COLGALT2: variants seen among roughly 807,000 people sequenced by gnomAD.
COLGALT2 encodes procollagen galactosyltransferase 2.
In COLGALT2, 49 loss-of-function variants were observed where a neutral mutation model predicts 73.4. The observed-to-expected ratio is 0.67, with a 90% CI of 0.53 to 0.85. The LOEUF is 0.85. Ranked by LOEUF, COLGALT2 falls within the 40% of genes least tolerant of loss-of-function variation. The pLI is 0.00. For synonymous variants in COLGALT2, 295 were observed against 307.6 expected (o/e 0.96, Z 0.43); for missense variants, 722 against 790.2 (o/e 0.91, Z 1.03).
At chr1:183,933,408 C>G (rs1007441555), downstream of COLGALT2, among the ~76,000 whole-genome samples, 1 of 152,228 alleles carries the variant, frequency 6.6e-6, no homozygotes, top group Admixed American at 6.5e-5. Context: ...CAACTCTGCT[C>G]ATGGTTTCCT....
intron 11 of COLGALT2, 31 bp from the exon 12 acceptor site, chr1:183,939,068 G>C (rs760248187): frequency 1.3e-6 from 2 of 1,574,358 alleles, no homozygotes; most frequent in South Asian, 2.2e-5. Context: ...GGACACATGA[G>C]GGGGCGGAAA....
chr1:184,001,259 T>TA lies in COLGALT2; in HGVS notation c.264-22740dup, dbSNP rs869124740. On this transcript the variant is annotated intron_variant, in intron 1 of 11. Coordinates refer to ENST00000361927, the MANE Select transcript of COLGALT2 (RefSeq NM_015101.4). The stretch of plus-strand genomic sequence containing the variant: ...CTGTTTTAAAGGTCTTCTACTTTTT[T>TA]AAAAAAAATAAAATAAATATTTTTC... Among the ~76,000 whole-genome samples the TA allele has an allele frequency of 9.2e-5, 14 of 152,086 alleles. No homozygotes were observed. The East Asian group carries it at 2.5e-3, about 27-fold the overall frequency.
chr1:183,936,244 G>A lies in COLGALT2; in HGVS notation c.*2517C>T. The A allele has an allele frequency of 1.0e-6, 1 of 985,606 alleles. No individual in the cohort carries two copies. The highest frequency in any genetic ancestry group is 1.2e-6 in the Non-Finnish European group (1 of 829,946). The allele number at this position is 985,606 out of a possible 1,614,324, so 61.1% of individuals were successfully genotyped here. On this transcript the variant is annotated 3_prime_UTR_variant, in exon 12 of 12. Coordinates refer to ENST00000361927, the MANE Select transcript of COLGALT2 (RefSeq NM_015101.4). ...TCAAAGGTCAAATGTCTTGGCTTAGGACTATAAGGGAGAGATAGGACAAAT... is the reference window on the plus strand; with the variant it reads ...TCAAAGGTCAAATGTCTTGGCTTAGAACTATAAGGGAGAGATAGGACAAAT...
chr1:183,957,354 A>T (rs1558314080), intron 6 of COLGALT2, among the ~76,000 whole-genome samples: 1 of 152,134 alleles, frequency 6.6e-6, no homozygotes, highest in Non-Finnish European at 1.5e-5. Context: ...CTTAATTCCC[A>T]TTCCACATCA....
chr1:183,965,037 A>C (rs186449786), intron 5 of COLGALT2, among the ~76,000 whole-genome samples: 1 of 152,356 alleles, frequency 6.6e-6, no homozygotes, highest in Non-Finnish European at 1.5e-5. Context: ...AAGCTGTCTC[A>C]TGGCATTAAC....
intron 1 of COLGALT2, among the ~76,000 whole-genome samples, chr1:183,982,830 C>A (rs758161034): frequency 6.6e-6 from 1 of 152,206 alleles, no homozygotes; most frequent in Non-Finnish European, 1.5e-5. Context: ...GTAATTTATA[C>A]AGCATCTACT....
chr1:183,948,386 G>T (rs1268661048), intron 8 of COLGALT2, among the ~76,000 whole-genome samples: 2 of 152,068 alleles, frequency 1.3e-5, no homozygotes, highest in African/African-American at 4.8e-5. Context: ...TGACCAAATG[G>T]GTCCCAGGAT....
intron 6 of COLGALT2, among the ~76,000 whole-genome samples, chr1:183,960,232 G>T (rs1243242151): frequency 6.6e-6 from 1 of 152,122 alleles, no homozygotes; most frequent in Non-Finnish European, 1.5e-5. Context: ...CCACCCTCTC[G>T]AACTTTATTT....
At chr1:183,948,674 T>C (rs1572632145) in intron 8 of COLGALT2, among the ~76,000 whole-genome samples, 2 of 152,134 alleles carry the variant, frequency 1.3e-5, no homozygotes, top group Admixed American at 6.5e-5. Context: ...ATCAAGAAAC[T>C]GCACTCAACA....
intron 7 of COLGALT2, among the ~76,000 whole-genome samples, chr1:183,953,747 C>T (rs1670475828): frequency 6.6e-6 from 1 of 152,186 alleles, no homozygotes; most frequent in Non-Finnish European, 1.5e-5. Context: ...GTTAACTCTT[C>T]CCCACTTAAT....
intron 1 of COLGALT2, among the ~76,000 whole-genome samples, chr1:184,011,992 A>G (rs926872844): frequency 1.3e-5 from 2 of 152,252 alleles, no homozygotes; most frequent in Admixed American, 6.5e-5. Flanking sequence ...GGAAAAGGGC[A>G]GAAAAGGAAT....
At chr1:183,979,638 T>A (rs757270524) in intron 1 of COLGALT2, among the ~76,000 whole-genome samples, 1 of 152,094 alleles carries the variant, frequency 6.6e-6, no homozygotes, top group African/African-American at 2.4e-5. Context: ...CCAACAAAAC[T>A]TTATTTACAA....
intron 1 of COLGALT2, among the ~76,000 whole-genome samples, chr1:184,010,432 G>C (rs991006864): frequency 6.6e-6 from 1 of 152,332 alleles, no homozygotes; most frequent in East Asian, 1.9e-4. Flanking sequence ...CAGCCTGGGA[G>C]AGCTTCGCTA....
rs148301862 is a variant in COLGALT2, at chr1:184,037,215, G to A, written c.143C>T (p.Ser48Leu). Reference sequence around the variant, plus strand: ...GAGCACCGTGGGGCTCTGCAGGGGCGACTCCGGGAAAACCACCGGCTCCTC... The same window carrying A: ...GAGCACCGTGGGGCTCTGCAGGGGCAACTCCGGGAAAACCACCGGCTCCTC... ...DGEEPVVFPESPLQSPTVLVA... is the reference protein window; with the variant it reads ...DGEEPVVFPELPLQSPTVLVA... The change falls in exon 1 of 12, where the codon TCG becomes TTG. Residue 48 changes from serine to leucine, a missense_variant. Ser to Leu is a moderately radical substitution (Grantham distance 145, BLOSUM62 -2). Coordinates refer to ENST00000361927, the MANE Select transcript of COLGALT2 (RefSeq NM_015101.4). 3 of 1,602,244 alleles carry A rather than the reference G, an allele frequency of 1.9e-6. No homozygotes were observed. In the African/African-American group the frequency reaches 4.0e-5, roughly 22 times the overall value.
intron 4 of COLGALT2, among the ~76,000 whole-genome samples, chr1:183,972,990 C>T (rs750045610): frequency 1.3e-5 from 2 of 152,288 alleles, no homozygotes; most frequent in African/African-American, 2.4e-5. Flanking sequence ...TGAGCCACCG[C>T]GCCTGGCATA....
At chr1:183,954,996 A>G (rs990103229) in intron 6 of COLGALT2, among the ~76,000 whole-genome samples, 158 bp from the exon 7 acceptor site, 21 of 152,228 alleles carry the variant, frequency 1.4e-4, no homozygotes, top group African/African-American at 5.1e-4. Flanking sequence ...GCCACACAGG[A>G]ACCCTGCTGG....
At chr1:184,026,198 G>C (rs1201992519) in intron 1 of COLGALT2, among the ~76,000 whole-genome samples, 1 of 152,028 alleles carries the variant, frequency 6.6e-6, no homozygotes, top group Non-Finnish European at 1.5e-5. Context: ...GCTGCTTTTG[G>C]CTAGAGGAAA....
At chr1:183,973,004 G>A (rs909794530) in intron 4 of COLGALT2, among the ~76,000 whole-genome samples, 10 of 152,112 alleles carry the variant, frequency 6.6e-5, no homozygotes, top group African/African-American at 2.4e-4. Context: ...TGGCATATTT[G>A]TACTGTTTGA....
chr1:183,973,218 G>A (rs916563051), intron 4 of COLGALT2, among the ~76,000 whole-genome samples: 23 of 152,260 alleles, frequency 1.5e-4, no homozygotes, highest in African/African-American at 5.5e-4. Context: ...TATCTATGAT[G>A]TTGTTACGGT....
Sources: gnomAD v4.1 joint callset for allele counts (sites outside exome capture counted in the v4.1 genomes callset) on GRCh38, gnomAD v4.1.1 for gene constraint, MANE v1.5 for transcripts, NCBI Gene and HGNC (gene_info 2026-07-23, HGNC 2026-07-21) for gene names.